Variants in SNORC observed in about 807,000 individuals in gnomAD.
SNORC encodes secondary ossification center associated regulator of chondrocyte maturation, also known as protein SNORC.
SNORC carries 11 observed loss-of-function variants against 9.7 expected under a neutral mutation model. That is an observed-to-expected ratio of 1.14 (90% CI 0.72 to 1.88). The LOEUF is 1.88. Ranked by LOEUF, SNORC falls within the 40% of genes most tolerant of loss-of-function variation. The pLI is 0.00. For missense variants in SNORC, 197 were observed against 173.1 expected (o/e 1.14, Z -0.77); for synonymous variants, 108 against 88.7 (o/e 1.22, Z -1.22).
At chr2:232,867,020 T>A (rs74965951), upstream of SNORC, among the ~76,000 whole-genome samples, 1,097 of 152,290 alleles carry the variant, frequency 7.2e-3, 15 homozygotes, top group African/African-American at 0.025. Flanking sequence ...CTCGAACTCG[T>A]TACCTCAAGT....
intron 1 of SNORC, chr2:232,875,634 C>A (rs1691198998): frequency 2.0e-6 from 1 of 510,596 alleles, no homozygotes; most frequent in Non-Finnish European, 3.6e-6. Flanking sequence ...CTCCTTTCTG[C>A]TCTCTGGTCC....
chr2:232,870,182 CG>C (rs1192890238), upstream of SNORC: 8 of 514,466 alleles, frequency 1.6e-5, no homozygotes, highest in African/African-American at 5.7e-5. Context: ...GTGGGGGGAG[CG>C]GGGGGGTGGG....
chr2:232,877,301 G>T (rs1691309484), downstream of SNORC: 3 of 985,350 alleles, frequency 3.0e-6, no homozygotes, highest in Non-Finnish European at 1.2e-6. Context: ...GAGAGTCGGG[G>T]CGGAGTGAGG....
intron 1 of SNORC, chr2:232,875,384 TG>T: frequency 3.5e-6 from 1 of 282,362 alleles, no homozygotes; most frequent in Non-Finnish European, 7.8e-6. Flanking sequence ...AGGCCTGCCC[TG>T]CTAACACTGT....
At chr2:232,874,409 C>T (rs1691139162) in intron 1 of SNORC, among the ~76,000 whole-genome samples, 5 of 152,234 alleles carry the variant, frequency 3.3e-5, no homozygotes, top group Admixed American at 3.3e-4. Flanking sequence ...ACCAACGGAC[C>T]TGAGTCTCCG....
At chr2:232,868,860 TACTC>T (rs1690925775), upstream of SNORC, among the ~76,000 whole-genome samples, 2 of 152,262 alleles carry the variant, frequency 1.3e-5, no homozygotes, top group Admixed American at 6.5e-5. Context: ...TCTAATGTCA[TACTC>T]ACATCTTGCC....
downstream of SNORC, chr2:232,876,750 C>G: frequency 3.0e-6 from 3 of 985,618 alleles, no homozygotes; most frequent in Non-Finnish European, 3.6e-6. The surrounding 1 kb of genome is among the most constrained non-coding windows in gnomAD (Gnocchi z 6.8). Context: ...AGCGGGTGTG[C>G]GGCCAGCGGT....
upstream of SNORC, among the ~76,000 whole-genome samples, chr2:232,868,441 C>T (rs1232290664): frequency 2.6e-5 from 4 of 151,988 alleles, no homozygotes; most frequent in East Asian, 1.9e-4. Flanking sequence ...GGCGTCCACC[C>T]GGCCTCTGCT....
In SNORC at chr2:232,870,339, A is replaced by G. The variant is rs1690979731; in HGVS notation, c.-3A>G. ...CCCGCCGCTGCCCTCACTCCCGGCC[A>G]GGATGGCATCCTGTCTGGCCCTGCG... On this transcript the variant is annotated 5_prime_UTR_variant, in exon 1 of 3. Transcript: ENST00000331342. 3.9e-6 allele frequency: 6 copies of G among 1,557,472 alleles called. No homozygotes were observed. The Admixed American group carries it at 5.8e-5, about 15-fold the overall frequency.
At chr2:232,866,471 C>T (rs1455924374), upstream of SNORC, among the ~76,000 whole-genome samples, 1 of 152,182 alleles carries the variant, frequency 6.6e-6, no homozygotes, top group Admixed American at 6.5e-5. Flanking sequence ...AGCTGTGTAG[C>T]TGTGTATTGC....
At chr2:232,874,500 G>A (rs548912733) in intron 1 of SNORC, among the ~76,000 whole-genome samples, 1 of 152,294 alleles carries the variant, frequency 6.6e-6, no homozygotes, top group African/African-American at 2.4e-5. Flanking sequence ...GCCTTTCTTT[G>A]TTTTTCCTAA....
At chr2:232,866,600 T>G (rs1053848116), upstream of SNORC, among the ~76,000 whole-genome samples, 1 of 152,198 alleles carries the variant, frequency 6.6e-6, no homozygotes, top group African/African-American at 2.4e-5. Flanking sequence ...TAGAGGAAAT[T>G]CTATGGTATT....
At chr2:232,878,565 T>G (rs1478537534), downstream of SNORC, 1 of 152,472 alleles carries the variant, frequency 6.6e-6, no homozygotes, top group Non-Finnish European at 1.5e-5. Context: ...CCTTCCTCTC[T>G]GGAAACCGCC....
chr2:232,874,727 C>T (rs933346591), intron 1 of SNORC, among the ~76,000 whole-genome samples: 1 of 152,230 alleles, frequency 6.6e-6, no homozygotes, highest in African/African-American at 2.4e-5. Context: ...GGGATGGAAC[C>T]CGCAGGGACA....
upstream of SNORC, among the ~76,000 whole-genome samples, chr2:232,866,648 C>T (rs13420824): frequency 0.025 from 3,751 of 152,196 alleles, 164 homozygotes; most frequent in African/African-American, 0.085. Flanking sequence ...TCTGTTTGCA[C>T]GCCTATTAGG....
At chr2:232,866,886 A>G (rs1232957218), upstream of SNORC, among the ~76,000 whole-genome samples, 3 of 152,264 alleles carry the variant, frequency 2.0e-5, no homozygotes, top group Middle Eastern at 3.4e-3. Context: ...GATAATTTTT[A>G]TATTTTTAGT....
At chr2:232,869,727 AG>A (rs1359947179), upstream of SNORC, 1 of 157,366 alleles carries the variant, frequency 6.4e-6, no homozygotes, top group Non-Finnish European at 1.4e-5. Flanking sequence ...AGGAAAGACT[AG>A]AGCTGCCTGA....
At chr2:232,874,261 G>A (rs57667610) in intron 1 of SNORC, among the ~76,000 whole-genome samples, 15,152 of 152,228 alleles carry the variant, frequency 0.1, 984 homozygotes, top group East Asian at 0.2. Flanking sequence ...TCATTTGAGA[G>A]TAAGTTGCAG....
chr2:232,875,728 C>T, intron 1 of SNORC: 1 of 587,276 alleles, frequency 1.7e-6, no homozygotes, highest in Non-Finnish European at 3.0e-6. Context: ...ACTGAACAGA[C>T]ACTCCTCCTG....
Sources: allele counts gnomAD v4.1 joint callset (sites outside exome capture counted in the v4.1 genomes callset), GRCh38; gene constraint gnomAD v4.1.1; non-coding constraint Gnocchi (gnomAD v3.1); transcripts MANE v1.5; gene names NCBI Gene and HGNC (gene_info 2026-07-23, HGNC 2026-07-21).